SCN11A: variants seen among roughly 807,000 people sequenced by gnomAD.
The protein encoded by SCN11A is sodium channel protein type 11 subunit alpha.
A neutral mutation model predicts 162.2 loss-of-function variants in SCN11A; 122 were observed. That is an observed-to-expected ratio of 0.75 (90% CI 0.65 to 0.87). The LOEUF is 0.87. SCN11A is among the 40% of genes least tolerant of loss of function. SCN11A has a pLI of 0.00. For missense variants in SCN11A, 2,015 were observed against 2,181.6 expected (o/e 0.92, Z 1.52); for synonymous variants, 758 against 751.5 (o/e 1.01, Z -0.14).
intron 1 of SCN11A, among the ~76,000 whole-genome samples, chr3:39,043,813 A>C (rs73064291): frequency 0.1 from 15,806 of 152,216 alleles, 1,047 homozygotes; most frequent in East Asian, 0.22. Flanking sequence ...GTACATTTAA[A>C]AATAATTTAA....
chr3:38,952,934 C>G (rs1335864216), intron 4 of SCN11A, among the ~76,000 whole-genome samples: 1 of 152,098 alleles, frequency 6.6e-6, no homozygotes, highest in African/African-American at 2.4e-5. Context: ...AGTGGGCAGG[C>G]CTGTAATCTT....
chr3:39,048,613 T>C (rs6793118), intron 1 of SCN11A, among the ~76,000 whole-genome samples: 10,555 of 152,194 alleles, frequency 0.069, 1,168 homozygotes, highest in African/African-American at 0.23. Flanking sequence ...TATGTGTCAA[T>C]TAAAAAATAC....
At chr3:38,972,053 G>A (rs1353574887) in intron 2 of SCN11A, among the ~76,000 whole-genome samples, 1 of 152,158 alleles carries the variant, frequency 6.6e-6, no homozygotes, top group Non-Finnish European at 1.5e-5. Flanking sequence ...ATTTAAGAGG[G>A]CAAAGGAAAC....
intron 2 of SCN11A, among the ~76,000 whole-genome samples, chr3:38,986,979 G>A (rs532145323): frequency 8.6e-5 from 13 of 152,020 alleles, no homozygotes; most frequent in South Asian, 2.1e-4. Context: ...GTTTCTTTCC[G>A]CACCTGGACA....
At chr3:38,867,244 A>C in intron 27 of SCN11A, 77 bp downstream of exon 27, 9 of 1,349,160 alleles carry the variant, frequency 6.7e-6, no homozygotes, top group South Asian at 1.2e-5. Context: ...ATAACATTCT[A>C]GGCCAGAATT....
intron 2 of SCN11A, among the ~76,000 whole-genome samples, 50 bp from the exon 3 acceptor site, chr3:38,960,473 T>C (rs2066730804): frequency 6.6e-6 from 1 of 152,164 alleles, no homozygotes; most frequent in African/African-American, 2.4e-5. Context: ...CCAAAGTGAT[T>C]TTAAAGAATT....
chr3:38,937,345 T>C (rs1006325446), intron 7 of SCN11A, among the ~76,000 whole-genome samples: 1 of 149,930 alleles, frequency 6.7e-6, no homozygotes, highest in Non-Finnish European at 1.5e-5. Context: ...CCAAAAGCAA[T>C]GGCAACAAAA....
intron 1 of SCN11A, among the ~76,000 whole-genome samples, chr3:39,037,841 C>T (rs2031946082): frequency 6.6e-6 from 1 of 152,074 alleles, no homozygotes; most frequent in Non-Finnish European, 1.5e-5. Context: ...GATGTTAAAC[C>T]TTTCATATTA....
At chr3:38,962,166 C>CAGTT (rs1332830846) in intron 2 of SCN11A, among the ~76,000 whole-genome samples, 5 of 152,192 alleles carry the variant, frequency 3.3e-5, no homozygotes, top group African/African-American at 1.2e-4. Context: ...TGTTGAAGAT[C>CAGTT]AGTTGGCTGT....
At chr3:39,025,473 G>C (rs911800154) in intron 2 of SCN11A, among the ~76,000 whole-genome samples, 1 of 152,174 alleles carries the variant, frequency 6.6e-6, no homozygotes. Context: ...CTAAACAAGC[G>C]GTGGATTATT....
chr3:38,852,717 G>A (rs562981508), intron 28 of SCN11A, among the ~76,000 whole-genome samples: 4 of 151,784 alleles, frequency 2.6e-5, no homozygotes, highest in African/African-American at 7.3e-5. Context: ...CGTTTGTTTC[G>A]AGGGTCAAAA....
intron 8 of SCN11A, among the ~76,000 whole-genome samples, chr3:38,926,031 T>A (rs1241677614): frequency 6.6e-6 from 1 of 152,246 alleles, no homozygotes; most frequent in Non-Finnish European, 1.5e-5. Context: ...TTTGTGAATA[T>A]TAAATAGGAA....
At chr3:39,013,949 C>T (rs965269481) in intron 2 of SCN11A, among the ~76,000 whole-genome samples, 5 of 152,230 alleles carry the variant, frequency 3.3e-5, no homozygotes, top group African/African-American at 1.2e-4. Flanking sequence ...ATACACATAA[C>T]ACTGCAGCCT....
chr3:38,907,342 G>GTGTA (rs1259248976), intron 14 of SCN11A, among the ~76,000 whole-genome samples: 1 of 31,762 alleles, frequency 3.1e-5, no homozygotes, highest in African/African-American at 5.6e-5. Context: ...GTGTGTGTGT[G>GTGTA]TATATATCTA....
chr3:39,039,703 C>T (rs1191599801), intron 1 of SCN11A, among the ~76,000 whole-genome samples: 20 of 152,174 alleles, frequency 1.3e-4, no homozygotes, highest in South Asian at 2.1e-4. Context: ...TGGTACCCAC[C>T]GCTGCCAGCA....
At chr3:38,865,104 G>A (rs2065021152) in intron 27 of SCN11A, among the ~76,000 whole-genome samples, 1 of 152,090 alleles carries the variant, frequency 6.6e-6, no homozygotes, top group Non-Finnish European at 1.5e-5. Context: ...AAAATCTGGT[G>A]GCAGAGTTGA....
chr3:38,876,241 CT>C (rs2065204978), intron 23 of SCN11A, among the ~76,000 whole-genome samples: 2 of 152,174 alleles, frequency 1.3e-5, no homozygotes, highest in African/African-American at 4.8e-5. Flanking sequence ...AGTCTAAGAC[CT>C]GAAACCATAC....
intron 8 of SCN11A, 118 bp downstream of exon 8, chr3:38,926,685 T>C (rs1386111056): frequency 9.6e-7 from 1 of 1,040,008 alleles, no homozygotes; most frequent in Non-Finnish European, 1.4e-6. Context: ...CACTCAGAGC[T>C]CTAGGCATTA....
chr3:39,048,770 C>A (rs1238133025), intron 1 of SCN11A, among the ~76,000 whole-genome samples: 2 of 152,188 alleles, frequency 1.3e-5, no homozygotes, highest in African/African-American at 4.8e-5. Context: ...TTAGAAAAAG[C>A]ATTATAGCTT....
Sources: gnomAD v4.1 joint callset for allele counts (sites outside exome capture counted in the v4.1 genomes callset) on GRCh38, gnomAD v4.1.1 for gene constraint, MANE v1.5 for transcripts, NCBI Gene and HGNC (gene_info 2026-07-23, HGNC 2026-07-21) for gene names.